BCAS4: variants seen among roughly 807,000 people sequenced by gnomAD.
The protein encoded by BCAS4 is breast carcinoma amplified sequence 4, also known as breast carcinoma-amplified sequence 4.
In BCAS4, 9 loss-of-function variants were observed where a neutral mutation model predicts 15.7. The observed-to-expected ratio is 0.57, with a 90% CI of 0.34 to 1.00. The LOEUF is 1.00. Among genes scored for constraint, BCAS4 ranks in the 50% least tolerant of loss-of-function variants. The pLI is 0.02. For missense variants in BCAS4, 225 were observed against 239.1 expected (o/e 0.94, Z 0.39); for synonymous variants, 101 against 99.5 (o/e 1.02, Z -0.09).
intron 2 of BCAS4, among the ~76,000 whole-genome samples, chr20:50,821,628 G>A (rs1480704501): frequency 1.3e-5 from 2 of 152,144 alleles, no homozygotes; most frequent in Non-Finnish European, 2.9e-5. Flanking sequence ...TGTCCCCCCA[G>A]GTCCCTGCCT....
intron 4 of BCAS4, among the ~76,000 whole-genome samples, chr20:50,871,755 C>T (rs1488343639): frequency 6.6e-6 from 1 of 152,150 alleles, no homozygotes; most frequent in Non-Finnish European, 1.5e-5. Context: ...TGGCCTGTCA[C>T]CTGAACTCCC....
chr20:50,795,379 C>T (rs555999847), intron 1 of BCAS4, among the ~76,000 whole-genome samples: 164 of 152,284 alleles, frequency 1.1e-3, no homozygotes, highest in African/African-American at 3.6e-3. Context: ...CACCGGGCCC[C>T]GGAGGCCCAG....
chr20:50,807,203 A>G (rs371300340), intron 1 of BCAS4, among the ~76,000 whole-genome samples: 1 of 141,850 alleles, frequency 7.0e-6, no homozygotes, highest in South Asian at 2.2e-4. Flanking sequence ...GTTATTTTCT[A>G]TTTTTTTTGA....
intron 1 of BCAS4, among the ~76,000 whole-genome samples, chr20:50,805,054 A>G (rs2087973632): frequency 6.6e-6 from 1 of 151,956 alleles, no homozygotes; most frequent in Admixed American, 6.6e-5. Flanking sequence ...ATTCTTCAGT[A>G]TTTGTGTGTG....
At chr20:50,823,819 G>A (rs2088245471) in intron 2 of BCAS4, among the ~76,000 whole-genome samples, 1 of 152,092 alleles carries the variant, frequency 6.6e-6, no homozygotes, top group African/African-American at 2.4e-5. Flanking sequence ...CCTACAGGAG[G>A]CCTTATGGGG....
chr20:50,808,636 G>T (rs527456096), intron 1 of BCAS4, among the ~76,000 whole-genome samples: 2 of 152,202 alleles, frequency 1.3e-5, no homozygotes, highest in African/African-American at 2.4e-5. Flanking sequence ...TCATATGTTT[G>T]TTGGCCACTT....
intron 1 of BCAS4, among the ~76,000 whole-genome samples, chr20:50,817,002 C>T (rs1056475640): frequency 9.2e-5 from 14 of 151,664 alleles, no homozygotes; most frequent in Non-Finnish European, 1.9e-4. Flanking sequence ...ATGGGGTCAC[C>T]ACATTGTCCA....
At chr20:50,813,229 C>A (rs1378713935) in intron 1 of BCAS4, among the ~76,000 whole-genome samples, 3 of 152,218 alleles carry the variant, frequency 2.0e-5, no homozygotes, top group Non-Finnish European at 1.5e-5. Context: ...CCCTTCCCAC[C>A]AGCAGTGCGT....
At chr20:50,817,853 CTGTT>C (rs2088159577) in intron 1 of BCAS4, among the ~76,000 whole-genome samples, 1 of 152,104 alleles carries the variant, frequency 6.6e-6, no homozygotes, top group Non-Finnish European at 1.5e-5. Flanking sequence ...CCTTGCCCCG[CTGTT>C]TGTTAACTGT....
intron 2 of BCAS4, 113 bp downstream of exon 2, chr20:50,818,395 G>A: frequency 1.0e-6 from 1 of 990,658 alleles, no homozygotes; most frequent in Non-Finnish European, 1.5e-6. Context: ...GAGGAATGGG[G>A]CAGCGGCCAG....
intron 4 of BCAS4, among the ~76,000 whole-genome samples, chr20:50,853,757 G>T (rs570503384): frequency 1.4e-4 from 20 of 146,816 alleles, no homozygotes; most frequent in African/African-American, 5.2e-4. Flanking sequence ...TTGTGTACTG[G>T]GGGTGTTTTG....
chr20:50,804,019 G>C (rs1422382416), intron 1 of BCAS4, among the ~76,000 whole-genome samples: 1 of 152,104 alleles, frequency 6.6e-6, no homozygotes, highest in Admixed American at 6.6e-5. Flanking sequence ...CCATGAAGCA[G>C]AGCGTGTGGG....
intron 4 of BCAS4, among the ~76,000 whole-genome samples, chr20:50,842,913 T>C (rs927272689): frequency 6.6e-6 from 1 of 152,218 alleles, no homozygotes; most frequent in African/African-American, 2.4e-5. Flanking sequence ...TCTCCACTGT[T>C]CCTACCTGTC....
intron 4 of BCAS4, among the ~76,000 whole-genome samples, chr20:50,859,750 G>A (rs1297104775): frequency 1.3e-5 from 2 of 152,158 alleles, no homozygotes; most frequent in East Asian, 3.9e-4. Context: ...AGGGGGGCAG[G>A]AGGAGGTGGG....
chr20:50,809,568 G>A (rs11906573), intron 1 of BCAS4, among the ~76,000 whole-genome samples: 20,692 of 152,074 alleles, frequency 0.14, 1,482 homozygotes, highest in South Asian at 0.15. Flanking sequence ...TTTTTGCTTA[G>A]TTTTGCTTTG....
intron 1 of BCAS4, among the ~76,000 whole-genome samples, chr20:50,814,783 T>C (rs1285466009): frequency 6.6e-6 from 1 of 152,188 alleles, no homozygotes; most frequent in East Asian, 1.9e-4. Context: ...GTAATTCAAA[T>C]ACAGTGACTA....
chr20:50,814,429 C>G lies in BCAS4; in HGVS notation c.91-3782C>G, dbSNP rs548805921. On this transcript the variant is annotated intron_variant, in intron 1 of 4. Coordinates refer to ENST00000371608, the MANE Select transcript of BCAS4 (RefSeq NM_198799.4). ...AGCCTCTCAAGTAGCTGAGACCACA[C>G]AGGTGTGCACCACCATGCCCAGTTA... Among the ~76,000 whole-genome samples the G allele has an allele frequency of 2.6e-5, 4 of 152,366 alleles. No individual in the cohort carries two copies. In the East Asian group the frequency reaches 7.7e-4, roughly 29 times the overall value.
At position 50,851,310 on chromosome 20, in the gene BCAS4, C is replaced by T. The variant is rs1978406157; in HGVS notation, c.399+9410C>T. Among the ~76,000 whole-genome samples, 1 of 152,174 alleles carries T rather than the reference C, an allele frequency of 6.6e-6. No individual in the cohort carries two copies. Among genetic ancestry groups the T allele is most frequent in the Admixed American group, 6.5e-5 (1 of 15,276 alleles). On this transcript the variant is annotated intron_variant, in intron 4 of 4. Transcript: ENST00000371608. This position sits in a 1 kb window ranked among gnomAD's most constrained non-coding sequence, Gnocchi z 4.3. ...CAGATAGCAAATATGAGGACCACGA[C>T]TGTGGAGGGCCGAGGGGTGCCGGGT... is the stretch of plus-strand genomic sequence containing the variant.
chr20:50,825,941 A>G (rs1040490), intron 2 of BCAS4, among the ~76,000 whole-genome samples: 56,669 of 152,002 alleles, frequency 0.37, 13,083 homozygotes, highest in African/African-American at 0.67. Context: ...AGACTTCTTT[A>G]TTCCCAATTC....
Sources: gnomAD v4.1 joint callset for allele counts (sites outside exome capture counted in the v4.1 genomes callset) on GRCh38, gnomAD v4.1.1 for gene constraint, Gnocchi (gnomAD v3.1) non-coding constraint, MANE v1.5 for transcripts, NCBI Gene and HGNC (gene_info 2026-07-23, HGNC 2026-07-21) for gene names.